Variants in SYN3 observed in about 807,000 individuals in gnomAD.
The protein encoded by SYN3 is synapsin-3.
A neutral mutation model predicts 65.8 loss-of-function variants in SYN3; 35 were observed. The observed-to-expected ratio is 0.53, with a 90% CI of 0.41 to 0.70. The LOEUF (loss-of-function observed/expected upper bound fraction) is 0.70. Ranked by LOEUF, SYN3 falls within the 30% of genes least tolerant of loss-of-function variation. The pLI, the probability that SYN3 is intolerant of heterozygous loss-of-function variation, is 0.00. For synonymous variants in SYN3, 270 were observed against 292.9 expected (o/e 0.92, Z 0.80); for missense variants, 680 against 749.0 (o/e 0.91, Z 1.08).
rs11704045 is a variant in SYN3, at chr22:32,580,283, C to T, written c.774+16391G>A. Reference sequence around the variant, plus strand: ...AGTTTTCAAAATTTTAAACAGCAGTCTCCCCTTATCCATGGTTTCACCTTC... The same window carrying T: ...AGTTTTCAAAATTTTAAACAGCAGTTTCCCCTTATCCATGGTTTCACCTTC... On this transcript the variant is annotated intron_variant, in intron 7 of 13. Coordinates refer to ENST00000358763, the MANE Select transcript of SYN3 (RefSeq NM_003490.4). Among the ~76,000 whole-genome samples, 373 of 152,352 alleles carry T rather than the reference C, an allele frequency of 2.4e-3. 1 individual carries two copies. The highest frequency in any genetic ancestry group is 4.7e-3 in the Non-Finnish European group (322 of 68,032).
intron 2 of SYN3, 74 bp from the exon 3 acceptor site, chr22:32,980,776 T>G: frequency 1.3e-5 from 17 of 1,340,860 alleles, no homozygotes; most frequent in Non-Finnish European, 1.6e-5. Flanking sequence ...CCAAAGGCCT[T>G]ACCCCAGAGG....
At chr22:32,994,113 CAGCACTTGAAAAAT>C (rs2052807626) in intron 2 of SYN3, among the ~76,000 whole-genome samples, 1 of 152,028 alleles carries the variant, frequency 6.6e-6, no homozygotes, top group Non-Finnish European at 1.5e-5. Flanking sequence ...GGAGAGGGGT[CAGCACTTGAAAAAT>C]TCCTCAAGTC....
intron 6 of SYN3, among the ~76,000 whole-genome samples, chr22:32,626,425 T>C (rs759444273): frequency 6.6e-6 from 1 of 152,170 alleles, no homozygotes; most frequent in Non-Finnish European, 1.5e-5. Flanking sequence ...CTGATCGTCC[T>C]GGTAGAAAGT....
chr22:32,997,956 G>A (rs1219915884), intron 2 of SYN3, among the ~76,000 whole-genome samples: 1 of 150,398 alleles, frequency 6.6e-6, no homozygotes, highest in Non-Finnish European at 1.5e-5. Flanking sequence ...GAACCCGGGA[G>A]ACGGAGCTTG....
chr22:32,627,878 G>A (rs959753930), intron 6 of SYN3, among the ~76,000 whole-genome samples: 2 of 152,068 alleles, frequency 1.3e-5, no homozygotes, highest in East Asian at 3.9e-4. Context: ...GCCCAGGCTG[G>A]AGTGCAGTGG....
intron 3 of SYN3, among the ~76,000 whole-genome samples, chr22:32,971,892 G>A (rs570620490): frequency 7.2e-5 from 11 of 152,168 alleles, no homozygotes; most frequent in South Asian, 2.1e-4. Context: ...CCACACAGCC[G>A]TCTCAGCAGA....
chr22:33,028,652 G>GTGGTGGTGGTGGTGGTGA (rs2053682087), intron 1 of SYN3, among the ~76,000 whole-genome samples: 3 of 104,706 alleles, frequency 2.9e-5, no homozygotes, highest in African/African-American at 1.8e-4. Context: ...GATGGTGGTG[G>GTGGTGGTGGTGGTGGTGA]TGGTGGTGGT....
intron 4 of SYN3, among the ~76,000 whole-genome samples, chr22:32,885,433 G>A (rs1407954764): frequency 1.3e-5 from 2 of 152,116 alleles, no homozygotes; most frequent in South Asian, 2.1e-4. Context: ...CTGGTGCCCC[G>A]GGCCATACCC....
Position 32,522,085 on chromosome 22 carries a change from T to A in SYN3, c.1319-3751A>T, listed in dbSNP as rs945002559. ...AGCACATACACAAAATATTAACATA[T>A]ATAGAAAGTATTTGCCTAAGCACAG... On this transcript the variant is annotated intron_variant, in intron 12 of 13. Transcript: ENST00000358763. 5.3e-5 allele frequency among the ~76,000 whole-genome samples: 8 copies of A among 152,174 alleles called. No homozygotes were observed. The East Asian group carries it at 1.5e-3, about 29-fold the overall frequency.
At chr22:32,609,124 AC>A (rs2059407858) in intron 6 of SYN3, among the ~76,000 whole-genome samples, 1 of 152,040 alleles carries the variant, frequency 6.6e-6, no homozygotes, top group African/African-American at 2.4e-5. Context: ...GGAGATCGAG[AC>A]CATCCTGGCT....
At chr22:33,054,364 T>G (rs1248259866) in intron 1 of SYN3, among the ~76,000 whole-genome samples, 2 of 152,234 alleles carry the variant, frequency 1.3e-5, no homozygotes, top group African/African-American at 4.8e-5. Flanking sequence ...ATGTGAATAG[T>G]GCTCCCATCC....
intron 6 of SYN3, among the ~76,000 whole-genome samples, chr22:32,843,515 C>G (rs538936693): frequency 6.6e-6 from 1 of 152,150 alleles, no homozygotes; most frequent in Admixed American, 6.5e-5. Context: ...ATGAGCACTC[C>G]GGCCTCAGCA....
intron 6 of SYN3, among the ~76,000 whole-genome samples, chr22:32,639,294 A>C (rs1446658198): frequency 1.3e-5 from 2 of 152,084 alleles, no homozygotes; most frequent in Non-Finnish European, 2.9e-5. Context: ...GTAGGAGTCC[A>C]GTTTCATTCT....
chr22:32,865,149 C>G, intron 5 of SYN3, 145 bp from the exon 6 acceptor site: 1 of 649,340 alleles, frequency 1.5e-6, no homozygotes. Context: ...GGATAAAGAC[C>G]AGATTCCTTG....
At chr22:32,611,171 A>T (rs2146684558) in intron 6 of SYN3, among the ~76,000 whole-genome samples, 1 of 152,250 alleles carries the variant, frequency 6.6e-6, no homozygotes. Context: ...TTCACAAGTG[A>T]ACCAACACTA....
At chr22:32,710,840 CT>C (rs974123161) in intron 6 of SYN3, among the ~76,000 whole-genome samples, 14 of 152,220 alleles carry the variant, frequency 9.2e-5, no homozygotes, top group East Asian at 7.7e-4. Flanking sequence ...AATTAAACCT[CT>C]TTTCTTTATA....
intron 3 of SYN3, among the ~76,000 whole-genome samples, chr22:32,934,758 G>A (rs2050726636): frequency 6.6e-6 from 1 of 152,206 alleles, no homozygotes; most frequent in Admixed American, 6.5e-5. Flanking sequence ...GGGAACTAGG[G>A]TCTTTTCAGA....
At chr22:32,680,299 A>C (rs946004158) in intron 6 of SYN3, among the ~76,000 whole-genome samples, 7 of 151,776 alleles carry the variant, frequency 4.6e-5, no homozygotes, top group African/African-American at 1.7e-4. Flanking sequence ...AGAATTATGC[A>C]CTCCCTTCTC....
At position 32,864,895 on chromosome 22, in the gene SYN3, G is replaced by C. The variant is rs1184649508; in HGVS notation, c.711+20C>G. The C allele has an allele frequency of 6.2e-7, 1 of 1,604,608 alleles. No homozygotes were observed. ...TCATTCCGCATCATGCAAAGAAACA[G>C]AGTAAAAAAGGGCACTCACCATTGG... On this transcript the variant is annotated intron_variant, in intron 6 of 13. Coordinates refer to ENST00000358763, the MANE Select transcript of SYN3 (RefSeq NM_003490.4).
Sources: allele counts gnomAD v4.1 joint callset (sites outside exome capture counted in the v4.1 genomes callset), GRCh38; gene constraint gnomAD v4.1.1; transcripts MANE v1.5; gene names NCBI Gene and HGNC (gene_info 2026-07-23, HGNC 2026-07-21).